Variants in KICS2 observed in about 807,000 individuals in gnomAD.
KICS2 encodes KICSTOR complex protein C12orf66.
Under a neutral mutation model 31.4 loss-of-function variants are expected in KICS2, and 13 were observed. The ratio of observed to expected loss-of-function variants is 0.41; its 90% CI spans 0.27 to 0.66. The LOEUF (loss-of-function observed/expected upper bound fraction) is 0.66. Among genes scored for constraint, KICS2 ranks in the 30% least tolerant of loss-of-function variants. The probability of loss-of-function intolerance (pLI) is 0.28; values close to 1 mark genes in which losing one functional copy is unlikely to be tolerated. For missense variants in KICS2, 455 were observed against 545.4 expected, an observed-to-expected ratio of 0.83 and a Z score of 1.65; for synonymous variants, 209 against 214.8, an observed-to-expected ratio of 0.97 and a Z score of 0.24.
At chr12:64,208,909 A>C (rs979566028) in intron 2 of KICS2, among the ~76,000 whole-genome samples, 3 of 152,138 alleles carry the variant, frequency 2.0e-5, no homozygotes, top group African/African-American at 7.2e-5. Flanking sequence ...TTAGGAGAGT[A>C]AATATTAATG....
chr12:64,215,649 C>G lies in KICS2; in HGVS notation c.521+29G>C, dbSNP rs750443076. On this transcript the variant is annotated intron_variant, in intron 2 of 2. Transcript: ENST00000398055. ...GTGTGGGATTGATAGGACAGCCACG[C>G]TTTCTCCCTCCCTCCTCCCCACACT... 12 of 1,585,932 alleles carry G rather than the reference C, an allele frequency of 7.6e-6. No homozygotes were observed. The African/African-American group carries it at 1.5e-4, about 20-fold the overall frequency.
intron 2 of KICS2, among the ~76,000 whole-genome samples, chr12:64,206,576 AGAG>A (rs2037540764): frequency 6.6e-6 from 1 of 152,242 alleles, no homozygotes; most frequent in African/African-American, 2.4e-5. Flanking sequence ...TGGAAGCCAT[AGAG>A]GAGATGGCAT....
chr12:64,216,583 T>G (rs2136707003), intron 1 of KICS2, among the ~76,000 whole-genome samples: 1 of 152,270 alleles, frequency 6.6e-6, no homozygotes, highest in Non-Finnish European at 1.5e-5. Context: ...AAAGAAAATC[T>G]TAGCACTCTT....
At chr12:64,206,265 G>A (rs1044670386) in intron 2 of KICS2, among the ~76,000 whole-genome samples, 2 of 151,850 alleles carry the variant, frequency 1.3e-5, no homozygotes, top group African/African-American at 4.8e-5. Context: ...ATGCAGCTTT[G>A]GTACATAGGC....
At chr12:64,207,903 G>T (rs2037553824) in intron 2 of KICS2, among the ~76,000 whole-genome samples, 1 of 152,244 alleles carries the variant, frequency 6.6e-6, no homozygotes, top group Non-Finnish European at 1.5e-5. Flanking sequence ...AAGCAGAGAG[G>T]TAGGAAATGG....
chr12:64,204,942 T>C (rs2037523311), intron 2 of KICS2: 1 of 152,170 alleles, frequency 6.6e-6, no homozygotes, highest in Non-Finnish European at 1.5e-5. Flanking sequence ...CAAAACCCTG[T>C]TATAGAATAA....
chr12:64,221,454 T>C (rs1017540149), intron 1 of KICS2: 2 of 154,236 alleles, frequency 1.3e-5, no homozygotes, highest in African/African-American at 4.8e-5. Flanking sequence ...TTTACCATTT[T>C]CCCCTTAAGT....
chr12:64,220,105 T>C (rs1382389791), intron 1 of KICS2, among the ~76,000 whole-genome samples: 1 of 152,228 alleles, frequency 6.6e-6, no homozygotes, highest in Non-Finnish European at 1.5e-5. Context: ...AAGCATTAAA[T>C]ATACCATTTT....
Position 64,193,667 on chromosome 12 carries a change from C to T in KICS2, c.*175G>A. On this transcript the variant is annotated 3_prime_UTR_variant, in exon 3 of 3. Transcript: ENST00000398055. ...CACTTCCTAGATTACTCTTTGGAAA[C>T]TTAATTCAATTGGCCTTAATTGCTT... 1 of 1,416,256 alleles carries T rather than the reference C, an allele frequency of 7.1e-7. No homozygotes were observed. The highest frequency in any genetic ancestry group is 2.6e-4 in the Middle Eastern group (1 of 3,844). The allele number at this position is 1,416,256 out of a possible 1,614,324, so 87.7% of individuals were successfully genotyped here. A position where few individuals can be genotyped will look rare whatever the true frequency, so the allele number is the denominator to read the frequency against.
chr12:64,194,916 T>C (rs1592378879), intron 2 of KICS2, among the ~76,000 whole-genome samples: 1 of 150,806 alleles, frequency 6.6e-6, no homozygotes, highest in Non-Finnish European at 1.5e-5. Context: ...ACAACAGGAA[T>C]ACCAAATTAG....
chr12:64,189,417 G>C (rs933093567), downstream of KICS2, among the ~76,000 whole-genome samples: 11 of 152,120 alleles, frequency 7.2e-5, no homozygotes, highest in African/African-American at 2.7e-4. Context: ...ACAAAGAAAA[G>C]CTGAATCTGA....
At chr12:64,219,031 T>G (rs1367461560) in intron 1 of KICS2, among the ~76,000 whole-genome samples, 1 of 152,188 alleles carries the variant, frequency 6.6e-6, no homozygotes, top group Non-Finnish European at 1.5e-5. Flanking sequence ...TTCAATATTT[T>G]TAATTTAAAA....
chr12:64,194,913 G>A lies in KICS2; in HGVS notation c.522-255C>T, dbSNP rs7959800. Reference sequence around the variant, plus strand: ...TGGCCACTTTTCCTTTCAACAACAGGAATACCAAATTAGCTACAATTCATT... The same window carrying A: ...TGGCCACTTTTCCTTTCAACAACAGAAATACCAAATTAGCTACAATTCATT... On this transcript the variant is annotated intron_variant, in intron 2 of 2. Coordinates refer to ENST00000398055, the MANE Select transcript of KICS2 (RefSeq NM_152440.5). 8.0e-3 allele frequency among the ~76,000 whole-genome samples: 1,202 copies of A among 151,058 alleles called. 18 individuals are homozygous for A. The highest frequency in any genetic ancestry group is 0.027 in the African/African-American group (1,090 of 41,058).
At chr12:64,214,009 T>C (rs2037605807) in intron 2 of KICS2, among the ~76,000 whole-genome samples, 1 of 152,220 alleles carries the variant, frequency 6.6e-6, no homozygotes, top group South Asian at 2.1e-4. Context: ...GCTACCATCA[T>C]AGCCTGCTAA....
In KICS2 at chr12:64,194,452, C is replaced by A. The variant is rs2037412711; in HGVS notation, c.728G>T (p.Gly243Val). 1 of 1,614,188 alleles carries A rather than the reference C, an allele frequency of 6.2e-7. No individual in the cohort carries two copies. Among genetic ancestry groups the A allele is most frequent in the Non-Finnish European group, 8.5e-7 (1 of 1,180,044 alleles). ...AGGCTGCACGGCCTTCTGAGACTGC[C>A]CTCCAAACAGATGTTTCTTGGTCTC... Reference protein sequence around the residue: ...QRETKKHLFGGQSQKAVQPPH... With the variant: ...QRETKKHLFGVQSQKAVQPPH... Residue 243 changes from glycine (G) to valine (V), a missense_variant, in exon 3 of 3, where the codon GGG (glycine) becomes GTG (valine). Gly to Val is a moderately radical substitution (Grantham distance 109, BLOSUM62 -3). Coordinates refer to ENST00000398055, the MANE Select transcript of KICS2 (RefSeq NM_152440.5).
chr12:64,202,894 CAT>C (rs1206837978), intron 2 of KICS2, among the ~76,000 whole-genome samples: 1 of 152,004 alleles, frequency 6.6e-6, no homozygotes, highest in Non-Finnish European at 1.5e-5. Flanking sequence ...TAAGTGAGCA[CAT>C]GACCCATTTT....
At chr12:64,221,800 C>T (rs944118684) in intron 1 of KICS2, 7 of 656,482 alleles carry the variant, frequency 1.1e-5, no homozygotes, top group Non-Finnish European at 1.5e-5. Flanking sequence ...ACCCAGTTCG[C>T]CAATCTATCA....
chr12:64,213,497 A>C (rs1288614649), intron 2 of KICS2, among the ~76,000 whole-genome samples: 1 of 152,210 alleles, frequency 6.6e-6, no homozygotes, highest in East Asian at 1.9e-4. Context: ...GGTCTTGCAT[A>C]GTGTCTGGCA....
Position 64,193,635 on chromosome 12 carries a change from C to G in KICS2, c.*207G>C, listed in dbSNP as rs2037402599. On this transcript the variant is annotated 3_prime_UTR_variant, in exon 3 of 3. Coordinates refer to ENST00000398055, the MANE Select transcript of KICS2 (RefSeq NM_152440.5). ...CTGTACCATGGAGACACATGGTAGC[C>G]CATGACCACTTCCTAGATTACTCTT... is the stretch of plus-strand genomic sequence containing the variant. 5 of 1,393,596 alleles carry G rather than the reference C, an allele frequency of 3.6e-6. No homozygotes were observed. The South Asian group carries it at 8.7e-5, about 24-fold the overall frequency. The allele number at this position is 1,393,596 out of a possible 1,614,324, so 86.3% of individuals were successfully genotyped here. A position where few individuals can be genotyped will look rare whatever the true frequency, so the allele number is the denominator to read the frequency against.
Sources: allele counts gnomAD v4.1 joint callset (sites outside exome capture counted in the v4.1 genomes callset), GRCh38; gene constraint gnomAD v4.1.1; transcripts MANE v1.5; gene names NCBI Gene and HGNC (gene_info 2026-07-23, HGNC 2026-07-21).